Variants in N4BP2L2 observed in about 807,000 individuals in gnomAD.
N4BP2L2 encodes NEDD4-binding protein 2-like 2.
Under a neutral mutation model 56.2 loss-of-function variants are expected in N4BP2L2, and 50 were observed. That is an observed-to-expected ratio of 0.89 (90% CI 0.71 to 1.13). N4BP2L2 has a LOEUF of 1.13. Among genes scored for constraint, N4BP2L2 ranks in the 50% most tolerant of loss-of-function variants. The pLI, the probability that N4BP2L2 is intolerant of heterozygous loss-of-function variation, is 0.00. For synonymous variants in N4BP2L2, 203 were observed against 223.6 expected (o/e 0.91, Z 0.82); for missense variants, 689 against 693.8 (o/e 0.99, Z 0.08).
At chr13:32,497,487 T>A (rs147276014) in intron 6 of N4BP2L2, among the ~76,000 whole-genome samples, 119 of 152,324 alleles carry the variant, frequency 7.8e-4, no homozygotes, top group African/African-American at 2.7e-3. Context: ...AGAGTTCACA[T>A]CACCCTGAGA....
chr13:32,440,985 G>A (rs1393201837), intron 7 of N4BP2L2, among the ~76,000 whole-genome samples: 1 of 151,452 alleles, frequency 6.6e-6, no homozygotes, highest in Non-Finnish European at 1.5e-5. Flanking sequence ...CTCCTAAGTA[G>A]CTAGGATTAC....
downstream of N4BP2L2, chr13:32,507,785 G>A (rs1178092650): frequency 6.6e-6 from 1 of 152,162 alleles, no homozygotes; most frequent in Non-Finnish European, 1.5e-5. Flanking sequence ...TGTCTAAGCA[G>A]TGAGTGATTT....
intron 9 of N4BP2L2, among the ~76,000 whole-genome samples, chr13:32,434,248 C>CTTTTTT (rs369328452): frequency 2.2e-4 from 25 of 112,032 alleles, no homozygotes; most frequent in Non-Finnish European, 2.5e-4. Context: ...AGCTAATTTT[C>CTTTTTT]TTTTTTTCTT....
intron 6 of N4BP2L2, among the ~76,000 whole-genome samples, chr13:32,459,593 C>T (rs759286253): frequency 1.3e-5 from 2 of 151,924 alleles, no homozygotes; most frequent in Admixed American, 1.3e-4. Flanking sequence ...CATAAAAAAC[C>T]TGAACAGACC....
intron 8 of N4BP2L2, chr13:32,436,481 T>C: frequency 3.2e-6 from 2 of 625,896 alleles, no homozygotes; most frequent in Non-Finnish European, 5.4e-6. Context: ...ATTTTACTCA[T>C]GTAGGGACAC....
exon 6 of N4BP2L2, chr13:32,510,449 T>C (rs2047852903): frequency 6.6e-6 from 1 of 152,128 alleles, no homozygotes; most frequent in Non-Finnish European, 1.5e-5. Context: ...TCTATTGATG[T>C]TTAATTTACA....
chr13:32,508,215 G>C (rs2139702257), downstream of N4BP2L2: 1 of 152,264 alleles, frequency 6.6e-6, no homozygotes, highest in East Asian at 1.9e-4. Context: ...AATGGAGTTG[G>C]TTCAATATTA....
At chr13:32,500,785 G>C (rs921003462) in intron 6 of N4BP2L2, among the ~76,000 whole-genome samples, 4 of 150,208 alleles carry the variant, frequency 2.7e-5, no homozygotes, top group Admixed American at 6.7e-5. Context: ...TATTATAAAT[G>C]TCGTCTTGTG....
intron 8 of N4BP2L2, among the ~76,000 whole-genome samples, chr13:32,437,073 G>A (rs892493106): frequency 4.6e-5 from 7 of 151,928 alleles, no homozygotes; most frequent in Non-Finnish European, 8.8e-5. Context: ...AGTAGAGACA[G>A]GGTTTCACTA....
At chr13:32,454,796 TC>T in intron 6 of N4BP2L2, among the ~76,000 whole-genome samples, 1 of 152,076 alleles carries the variant, frequency 6.6e-6, no homozygotes, top group East Asian at 1.9e-4. Flanking sequence ...ATAATCACAC[TC>T]TGAATAGAGC....
At chr13:32,460,027 A>T (rs1316399758) in intron 6 of N4BP2L2, among the ~76,000 whole-genome samples, 1 of 152,190 alleles carries the variant, frequency 6.6e-6, no homozygotes, top group Non-Finnish European at 1.5e-5. Context: ...AACATGACAC[A>T]TCACATCGAC....
At chr13:32,486,232 A>G (rs1396779963) in intron 6 of N4BP2L2, among the ~76,000 whole-genome samples, 1 of 152,176 alleles carries the variant, frequency 6.6e-6, no homozygotes, top group Non-Finnish European at 1.5e-5. Flanking sequence ...CACTCTCACC[A>G]TTTCTATTCA....
At chr13:32,497,443 C>T (rs977673711) in intron 6 of N4BP2L2, among the ~76,000 whole-genome samples, 1 of 152,186 alleles carries the variant, frequency 6.6e-6, no homozygotes, top group Non-Finnish European at 1.5e-5. Context: ...CCAGCTGATT[C>T]TCTGTCACAT....
At chr13:32,445,263 A>C (rs2076883234) in intron 6 of N4BP2L2, among the ~76,000 whole-genome samples, 1 of 152,166 alleles carries the variant, frequency 6.6e-6, no homozygotes, top group Middle Eastern at 3.2e-3. Flanking sequence ...TAAATAAATA[A>C]ATAAATAAAT....
At chr13:32,521,494 C>A (rs1399527488) in intron 4 of N4BP2L2, 45 bp from the exon 5 acceptor site, 3 of 1,361,644 alleles carry the variant, frequency 2.2e-6, no homozygotes, top group Non-Finnish European at 3.1e-6. Flanking sequence ...AGAAGTACTT[C>A]TTAAAGTAAA....
intron 6 of N4BP2L2, among the ~76,000 whole-genome samples, chr13:32,474,301 C>A (rs1307493327): frequency 2.0e-5 from 3 of 151,736 alleles, no homozygotes; most frequent in Non-Finnish European, 4.4e-5. Context: ...ATATTAACTT[C>A]TCTTTACATA....
intron 7 of N4BP2L2, among the ~76,000 whole-genome samples, chr13:32,442,088 T>TA (rs2138286826): frequency 6.6e-6 from 1 of 152,250 alleles, no homozygotes; most frequent in South Asian, 2.1e-4. Context: ...CTATCTCTAC[T>TA]GATTACATAA....
At chr13:32,534,063 T>C (rs1594115624) in intron 2 of N4BP2L2, among the ~76,000 whole-genome samples, 1 of 152,170 alleles carries the variant, frequency 6.6e-6, no homozygotes. Flanking sequence ...AACTTCCAAA[T>C]CACTTAACCT....
chr13:32,493,295 T>G (rs1255904675), intron 6 of N4BP2L2, among the ~76,000 whole-genome samples: 2 of 152,138 alleles, frequency 1.3e-5, no homozygotes, highest in African/African-American at 4.8e-5. Flanking sequence ...CTGACTTCTT[T>G]GATTCAGTTC....
Sources: allele counts gnomAD v4.1 joint callset (sites outside exome capture counted in the v4.1 genomes callset), GRCh38; gene constraint gnomAD v4.1.1; transcripts MANE v1.5; gene names NCBI Gene and HGNC (gene_info 2026-07-23, HGNC 2026-07-21).